Variants in COL5A1 observed in about 807,000 individuals in gnomAD.
COL5A1 encodes collagen type V alpha 1 chain.
In COL5A1, 16 loss-of-function variants were observed where a neutral mutation model predicts 263.7. The observed-to-expected ratio is 0.06, with a 90% CI of 0.04 to 0.09. The LOEUF is 0.09. COL5A1 is among the 10% of genes least tolerant of loss of function. The probability of loss-of-function intolerance (pLI) is 1.00; values close to 1 mark genes in which losing one functional copy is unlikely to be tolerated. For synonymous variants in COL5A1, 1,012 were observed against 1,004.5 expected (o/e 1.01, Z -0.14); for missense variants, 2,036 against 2,540.5 (o/e 0.80, Z 4.27).
At chr9:134,748,114 C>T (rs1332330643) in intron 11 of COL5A1, among the ~76,000 whole-genome samples, 1 of 81,468 alleles carries the variant, frequency 1.2e-5, no homozygotes, top group Non-Finnish European at 2.9e-5. Context: ...CACATGCATA[C>T]ACAGACATGC....
intron 4 of COL5A1, among the ~76,000 whole-genome samples, chr9:134,721,426 G>A (rs950929592): frequency 1.1e-4 from 17 of 152,218 alleles, no homozygotes; most frequent in Admixed American, 7.8e-4. Context: ...CCCCATGACT[G>A]TGTTTGGATC....
intron 1 of COL5A1, among the ~76,000 whole-genome samples, chr9:134,675,605 G>T (rs1832663134): frequency 6.6e-6 from 1 of 152,168 alleles, no homozygotes; most frequent in African/African-American, 2.4e-5. Flanking sequence ...CTTATTTTGT[G>T]TGTGAATCTG....
intron 9 of COL5A1, among the ~76,000 whole-genome samples, chr9:134,735,878 C>A (rs1835077502): frequency 6.6e-6 from 1 of 152,236 alleles, no homozygotes; most frequent in Non-Finnish European, 1.5e-5. Flanking sequence ...CCAGCTGGGG[C>A]AGGATGGGAG....
At chr9:134,774,814 T>A (rs1327577811) in intron 26 of COL5A1, 45 bp from the exon 27 acceptor site, 12 of 1,600,234 alleles carry the variant, frequency 7.5e-6, no homozygotes, top group Non-Finnish European at 1.0e-5. Context: ...CCCAGGCACC[T>A]CCACACTGGC....
intron 11 of COL5A1, among the ~76,000 whole-genome samples, chr9:134,747,465 G>T (rs114852948): frequency 0.018 from 2,784 of 151,238 alleles, 53 homozygotes; most frequent in African/African-American, 0.043. Flanking sequence ...CCACACAAAC[G>T]TACACATGCA....
chr9:134,815,438 G>T, intron 50 of COL5A1, 138 bp from the exon 51 acceptor site: 1 of 862,010 alleles, frequency 1.2e-6, no homozygotes, highest in Non-Finnish European at 1.9e-6. Flanking sequence ...AAAGTGCACT[G>T]GGTTGTCGGA....
At chr9:134,646,497 T>A (rs1831479580) in intron 1 of COL5A1, among the ~76,000 whole-genome samples, 1 of 152,218 alleles carries the variant, frequency 6.6e-6, no homozygotes. Flanking sequence ...AGAGCTCTCC[T>A]GGGCGGCTCC....
Position 134,843,116 on chromosome 9 carries a change from C to CT in COL5A1, c.*813_*814insT, listed in dbSNP as rs1830151407. ...TTATGCTGCCATTGAAAAGCAGGTACCAGTGCCCCTTTTCAGACAGTTTTT... is the reference window on the plus strand; with the variant it reads ...TTATGCTGCCATTGAAAAGCAGGTACTCAGTGCCCCTTTTCAGACAGTTTTT... On this transcript the variant is annotated 3_prime_UTR_variant, in exon 66 of 66. Transcript: ENST00000371817. 6.6e-6 allele frequency: 1 copy of CT among 150,912 alleles called. No homozygotes were observed. Among genetic ancestry groups the CT allele is most frequent in the East Asian group, 2.0e-4 (1 of 5,092 alleles). The allele number at this position is 150,912 out of a possible 1,614,324, so 9.3% of individuals were successfully genotyped here. A position where few individuals can be genotyped will look rare whatever the true frequency, so the allele number is the denominator to read the frequency against.
chr9:134,791,772 G>A (rs768112783), intron 32 of COL5A1, among the ~76,000 whole-genome samples: 2 of 151,764 alleles, frequency 1.3e-5, no homozygotes, highest in Admixed American at 6.6e-5. Flanking sequence ...AGTCTTGGGT[G>A]CAGTCCATTC....
chr9:134,681,965 C>G lies in COL5A1; in HGVS notation c.110-8947C>G, dbSNP rs1832872511. ...TCTCTCCCCATCTCTCCCTCCCTCT[C>G]TCTCTCTCTTGCTCTCTGTCTGTCC... On this transcript the variant is annotated intron_variant, in intron 1 of 65. Coordinates refer to ENST00000371817, the MANE Select transcript of COL5A1 (RefSeq NM_000093.5). This position sits in a 1 kb window ranked among gnomAD's most constrained non-coding sequence, Gnocchi z 4.3. 6.6e-6 allele frequency among the ~76,000 whole-genome samples: 1 copy of G among 152,138 alleles called. No individual in the cohort carries two copies. Among genetic ancestry groups the G allele is most frequent in the Non-Finnish European group, 1.5e-5 (1 of 68,014 alleles).
intron 31 of COL5A1, among the ~76,000 whole-genome samples, chr9:134,787,864 G>A (rs1451568822): frequency 2.0e-5 from 3 of 152,200 alleles, no homozygotes; most frequent in Non-Finnish European, 2.9e-5. Context: ...GGATATGGGC[G>A]CGTGGGGGAT....
At chr9:134,706,876 A>G (rs1027106662) in intron 4 of COL5A1, among the ~76,000 whole-genome samples, 5 of 152,212 alleles carry the variant, frequency 3.3e-5, no homozygotes, top group Non-Finnish European at 5.9e-5. Context: ...AGGGCCCAAG[A>G]GTGTCCCTCC....
At chr9:134,817,699 C>G in intron 53 of COL5A1, 79 bp from the exon 54 acceptor site, 1 of 1,310,434 alleles carries the variant, frequency 7.6e-7, no homozygotes, top group Non-Finnish European at 1.1e-6. Context: ...ACACACACAC[C>G]CTGAGCGCCT....
At chr9:134,805,280 C>T in intron 41 of COL5A1, 66 bp downstream of exon 41, 1 of 1,569,998 alleles carries the variant, frequency 6.4e-7, no homozygotes. Flanking sequence ...AGGGGCAGTC[C>T]CCGAGAGCCC....
At chr9:134,644,933 A>G (rs1831426705) in intron 1 of COL5A1, among the ~76,000 whole-genome samples, 2 of 152,180 alleles carry the variant, frequency 1.3e-5, no homozygotes, top group Non-Finnish European at 2.9e-5. Flanking sequence ...CTCTGACTCA[A>G]TCAAGTTGGC....
chr9:134,825,481 C>T lies in COL5A1; in HGVS notation c.4955-311C>T, dbSNP rs56195655. On this transcript the variant is annotated intron_variant, in intron 62 of 65. Transcript: ENST00000371817. ...CATGCATGAATTTCCAGAGTTCCTT[C>T]CAGAACCCTCTCTGCATTTCTGTCC... 0.2 allele frequency among the ~76,000 whole-genome samples: 30,663 copies of T among 152,102 alleles called. 3,528 individuals are homozygous for T. Among genetic ancestry groups the T allele is most frequent in the Admixed American group, 0.26 (4,016 of 15,258 alleles).
In COL5A1 at chr9:134,700,939, C is replaced by T. The variant is rs1337882232; in HGVS notation, c.492-232C>T. ...GGCTCCCGGCTGGGCTTCCAGGGTT[C>T]AGACAGCCATCCTTGTCTGAGGGAC... is the stretch of plus-strand genomic sequence containing the variant. On this transcript the variant is annotated intron_variant, in intron 3 of 65. Coordinates refer to ENST00000371817, the MANE Select transcript of COL5A1 (RefSeq NM_000093.5). This position sits in a 1 kb window ranked among gnomAD's most constrained non-coding sequence, Gnocchi z 4.0. Among the ~76,000 whole-genome samples the T allele has an allele frequency of 1.3e-5, 2 of 152,146 alleles. No homozygotes were observed. Among genetic ancestry groups the T allele is most frequent in the Non-Finnish European group, 2.9e-5 (2 of 68,020 alleles).
intron 13 of COL5A1, among the ~76,000 whole-genome samples, 172 bp downstream of exon 13, chr9:134,751,054 C>A (rs377151385): frequency 2.6e-5 from 4 of 152,058 alleles, no homozygotes; most frequent in Non-Finnish European, 5.9e-5. Flanking sequence ...TCCTCAGTGT[C>A]CAGTAGGGAC....
At chr9:134,790,337 TCCAC>T (rs1293569648) in intron 32 of COL5A1, among the ~76,000 whole-genome samples, 1 of 148,362 alleles carries the variant, frequency 6.7e-6, no homozygotes, top group Non-Finnish European at 1.5e-5. Context: ...CATCCATCCA[TCCAC>T]CCACCCACCA....
Sources: gnomAD v4.1 joint callset for allele counts (sites outside exome capture counted in the v4.1 genomes callset) on GRCh38, gnomAD v4.1.1 for gene constraint, Gnocchi (gnomAD v3.1) non-coding constraint, MANE v1.5 for transcripts, NCBI Gene and HGNC (gene_info 2026-07-23, HGNC 2026-07-21) for gene names.